RBL2: variants seen among roughly 807,000 people sequenced by gnomAD.
RBL2 encodes the protein retinoblastoma-like protein 2.
In RBL2, 56 loss-of-function variants were observed where a neutral mutation model predicts 126.0. The ratio of observed to expected loss-of-function variants is 0.44; its 90% CI spans 0.36 to 0.56. RBL2 has a LOEUF of 0.56. Among genes scored for constraint, RBL2 ranks in the 20% least tolerant of loss-of-function variants. The pLI, the probability that RBL2 is intolerant of heterozygous loss-of-function variation, is 0.00. For synonymous variants in RBL2, 454 were observed against 478.5 expected (o/e 0.95, Z 0.67); for missense variants, 1,229 against 1,398.2 (o/e 0.88, Z 1.93).
chr16:53,456,263 G>C (rs545138767), intron 8 of RBL2, among the ~76,000 whole-genome samples: 54 of 152,270 alleles, frequency 3.5e-4, no homozygotes, highest in African/African-American at 1.3e-3. Context: ...GGAAGCCATC[G>C]TAAGGACTTT....
At chr16:53,459,890 C>G (rs2058204127) in intron 9 of RBL2, among the ~76,000 whole-genome samples, 1 of 135,166 alleles carries the variant, frequency 7.4e-6, no homozygotes, top group Non-Finnish European at 1.5e-5. Flanking sequence ...GCCAACTGTT[C>G]TTTCAAGATT....
At chr16:53,483,730 A>G (rs1961045913) in intron 21 of RBL2, among the ~76,000 whole-genome samples, 1 of 152,104 alleles carries the variant, frequency 6.6e-6, no homozygotes, top group Admixed American at 6.5e-5. Flanking sequence ...ATCTCTGCTA[A>G]AAGTACAAAA....
At chr16:53,488,145 A>G (rs1214379456) in intron 21 of RBL2, 3 of 152,248 alleles carry the variant, frequency 2.0e-5, no homozygotes, top group Non-Finnish European at 4.4e-5. Flanking sequence ...AAAAGTGGGA[A>G]ACAACCCAAA....
intron 1 of RBL2, among the ~76,000 whole-genome samples, chr16:53,436,221 T>C (rs2057957382): frequency 1.3e-5 from 2 of 152,196 alleles, no homozygotes; most frequent in Admixed American, 1.3e-4. Context: ...AAACAAGCTC[T>C]TATTTTACCC....
intron 11 of RBL2, 83 bp from the exon 12 acceptor site, chr16:53,464,143 G>T: frequency 8.7e-7 from 1 of 1,150,924 alleles, no homozygotes; most frequent in Non-Finnish European, 1.2e-6. Flanking sequence ...ACTTTCTTTG[G>T]TATTTTCACT....
intron 8 of RBL2, among the ~76,000 whole-genome samples, chr16:53,458,053 A>G (rs2058185703): frequency 6.6e-6 from 1 of 152,200 alleles, no homozygotes; most frequent in Admixed American, 6.5e-5. Flanking sequence ...AATCTACCCA[A>G]ATCATTTTAT....
intron 2 of RBL2, among the ~76,000 whole-genome samples, chr16:53,439,487 A>G (rs1240568552): frequency 6.6e-6 from 1 of 152,222 alleles, no homozygotes; most frequent in Non-Finnish European, 1.5e-5. Context: ...TAAATAAAAT[A>G]TTATTTGCTA....
intron 17 of RBL2, among the ~76,000 whole-genome samples, chr16:53,472,492 C>T (rs977282213): frequency 5.9e-5 from 9 of 152,050 alleles, no homozygotes; most frequent in African/African-American, 2.2e-4. Flanking sequence ...TTTTCATTTG[C>T]CTGATAACTA....
chr16:53,450,190 G>T (rs2058101844), intron 4 of RBL2, among the ~76,000 whole-genome samples: 1 of 151,964 alleles, frequency 6.6e-6, no homozygotes, highest in South Asian at 2.1e-4. Context: ...TTGCCTCTTT[G>T]GCAGAGAAGA....
chr16:53,453,563 T>C lies in RBL2; in HGVS notation c.878T>C (p.Ile293Thr). 1 of 1,613,516 alleles carries C rather than the reference T, an allele frequency of 6.2e-7. No individual in the cohort carries two copies. Among genetic ancestry groups the C allele is most frequent in the Non-Finnish European group, 8.5e-7 (1 of 1,179,652 alleles). Residue 293 changes from isoleucine (I) to threonine (T), a missense_variant, in exon 6 of 22, where the codon ATA (isoleucine) becomes ACA (threonine). Ile to Thr is a moderately conservative substitution (Grantham distance 89). Coordinates refer to ENST00000262133, the MANE Select transcript of RBL2 (RefSeq NM_005611.4). ...GGCCTAGTTTTGGAAGCAAAGGGGA[T>C]AAAGGAACATTTCTGGAAACCCTAT... ...HDGLVLEAKG[I>T]KEHFWKPYIR...
chr16:53,451,587 A>G, intron 4 of RBL2, 116 bp from the exon 5 acceptor site: 1 of 1,143,514 alleles, frequency 8.7e-7, no homozygotes, highest in East Asian at 2.4e-5. Context: ...ACTTATTGTA[A>G]TGAGTCAATT....
At chr16:53,481,603 T>TA (rs1358712021) in intron 20 of RBL2, 68 bp from the exon 21 acceptor site, 2 of 1,352,740 alleles carry the variant, frequency 1.5e-6, no homozygotes, top group Non-Finnish European at 2.0e-6. Context: ...CTTCACTCAA[T>TA]AATCATTTTC....
At chr16:53,468,060 A>G (rs1212320779) in intron 14 of RBL2, among the ~76,000 whole-genome samples, 1 of 152,232 alleles carries the variant, frequency 6.6e-6, no homozygotes, top group Non-Finnish European at 1.5e-5. Flanking sequence ...TGCTTAGAAG[A>G]TCTGCAAGGT....
At position 53,438,042 on chromosome 16, in the gene RBL2, T is replaced by A. The variant is rs566963125; in HGVS notation, c.241-974T>A. The stretch of plus-strand genomic sequence containing the variant: ...ACTCCATCTCAAAAAAAATAAAAAA[T>A]AAATAAAAATAAACAATAATATTGT... On this transcript the variant is annotated intron_variant, in intron 1 of 21. Coordinates refer to ENST00000262133, the MANE Select transcript of RBL2 (RefSeq NM_005611.4). Among the ~76,000 whole-genome samples the A allele has an allele frequency of 3.3e-5, 5 of 151,994 alleles. No individual in the cohort carries two copies. The South Asian group carries it at 1.0e-3, about 32-fold the overall frequency.
intron 1 of RBL2, among the ~76,000 whole-genome samples, chr16:53,436,064 A>G (rs1567723472): frequency 6.6e-6 from 1 of 152,236 alleles, no homozygotes; most frequent in African/African-American, 2.4e-5. Context: ...AGCTCTTTGT[A>G]TATTTACATG....
At chr16:53,463,099 C>A (rs1031943838) in intron 11 of RBL2, among the ~76,000 whole-genome samples, 2 of 152,166 alleles carry the variant, frequency 1.3e-5, no homozygotes, top group Non-Finnish European at 2.9e-5. Flanking sequence ...CCTTGGCCTC[C>A]CAAAGTGCTA....
intron 1 of RBL2, among the ~76,000 whole-genome samples, chr16:53,435,230 G>C (rs1479277501): frequency 6.6e-6 from 1 of 152,134 alleles, no homozygotes; most frequent in African/African-American, 2.4e-5. Flanking sequence ...CCGTCTGTTC[G>C]CTTCCCCCTG....
rs1271585587 is a variant in RBL2 at position 53,474,605 on chromosome 16, G to A, written c.2703+3683G>A. On this transcript the variant is annotated intron_variant, in intron 17 of 21. Coordinates refer to ENST00000262133, the MANE Select transcript of RBL2 (RefSeq NM_005611.4). ...TGCTGGGATTATAGGCGTGAGCCAC[G>A]GTGCCCAGCCTATAATTCTTTTTAT... 5.9e-5 allele frequency among the ~76,000 whole-genome samples: 9 copies of A among 152,226 alleles called. No homozygotes were observed. In the East Asian group the frequency reaches 1.4e-3, roughly 23 times the overall value.
In RBL2 at chr16:53,479,243, A is replaced by G. The variant is rs547466334; in HGVS notation, c.2775+18A>G. On this transcript the variant is annotated intron_variant, in intron 18 of 21. Coordinates refer to ENST00000262133, the MANE Select transcript of RBL2 (RefSeq NM_005611.4). ...GGAGCCAGGTAACTACATTTTCTCTATGGGCTGAAAAATAAAGCTTAAAGT... is the reference window on the plus strand; with the variant it reads ...GGAGCCAGGTAACTACATTTTCTCTGTGGGCTGAAAAATAAAGCTTAAAGT... 10 of 1,596,316 alleles carry G rather than the reference A, an allele frequency of 6.3e-6. No individual in the cohort carries two copies. The African/African-American group carries it at 6.7e-5, about 11-fold the overall frequency.
Sources: gnomAD v4.1 joint callset for allele counts (sites outside exome capture counted in the v4.1 genomes callset) on GRCh38, gnomAD v4.1.1 for gene constraint, MANE v1.5 for transcripts, NCBI Gene and HGNC (gene_info 2026-07-23, HGNC 2026-07-21) for gene names.